The following SEC63 variants were observed in gnomAD, a reference collection of about 807,000 sequenced individuals.
SEC63 encodes the protein translocation protein SEC63 homolog.
SEC63 carries 56 observed loss-of-function variants against 116.2 expected under a neutral mutation model. That is an observed-to-expected ratio of 0.48 (90% CI 0.39 to 0.60). The LOEUF (loss-of-function observed/expected upper bound fraction) is 0.60, where lower values mean the gene tolerates loss of function less well. Among genes scored for constraint, SEC63 ranks in the 20% least tolerant of loss-of-function variants. The pLI, the probability that SEC63 is intolerant of heterozygous loss-of-function variation, is 0.00. For synonymous variants in SEC63, 273 were observed against 294.6 expected, an observed-to-expected ratio of 0.93 and a Z score of 0.75; for missense variants, 668 against 900.0, an observed-to-expected ratio of 0.74 and a Z score of 3.30.
At chr6:107,902,340 T>C (rs1246101567) in intron 12 of SEC63, among the ~76,000 whole-genome samples, 2 of 152,186 alleles carry the variant, frequency 1.3e-5, no homozygotes, top group Non-Finnish European at 1.5e-5. Context: ...TAAAATCTCC[T>C]ACTAGAATTG....
intron 16 of SEC63, among the ~76,000 whole-genome samples, chr6:107,886,887 A>G (rs1187590689): frequency 6.7e-6 from 1 of 149,036 alleles, no homozygotes; most frequent in African/African-American, 2.5e-5. Context: ...CTTTAGTTCA[A>G]TCAGATCCCA....
chr6:107,874,806 A>C (rs1273679623), intron 19 of SEC63, among the ~76,000 whole-genome samples: 1 of 151,874 alleles, frequency 6.6e-6, no homozygotes, highest in Non-Finnish European at 1.5e-5. Context: ...CTCCTGAGTT[A>C]GGCTGGGACT....
chr6:107,926,670 T>C (rs1413270093), intron 2 of SEC63, among the ~76,000 whole-genome samples: 1 of 152,094 alleles, frequency 6.6e-6, no homozygotes, highest in Admixed American at 6.5e-5. Context: ...CCTTTTGTTT[T>C]CCCAACTCAT....
In SEC63 at chr6:107,924,939, A is replaced by C; in HGVS notation, c.225-7T>G. ...TGCAAGCAGAACTATTTTCCTGTTTAGGAAAAAGGTAAGTGAATCATAAAC... is the reference window on the plus strand; with the variant it reads ...TGCAAGCAGAACTATTTTCCTGTTTCGGAAAAAGGTAAGTGAATCATAAAC... On this transcript the variant is annotated splice_region_variant and splice_polypyrimidine_tract_variant and intron_variant, in intron 2 of 20. Transcript: ENST00000369002. 6.8e-7 allele frequency: 1 copy of C among 1,477,800 alleles called. No individual in the cohort carries two copies. Among genetic ancestry groups the C allele is most frequent in the Non-Finnish European group, 9.5e-7 (1 of 1,056,250 alleles). 91.5% of individuals were successfully genotyped at this position (1,477,800 alleles called of 1,614,324 possible). A position where few individuals can be genotyped will look rare whatever the true frequency, so the allele number is the denominator to read the frequency against.
intron 19 of SEC63, among the ~76,000 whole-genome samples, chr6:107,875,982 A>G (rs1480981231): frequency 6.6e-6 from 1 of 152,180 alleles, no homozygotes; most frequent in African/African-American, 2.4e-5. Context: ...CTAAAAATCA[A>G]CATCATAGGG....
chr6:107,882,147 G>A (rs955937717), intron 17 of SEC63, among the ~76,000 whole-genome samples: 1 of 152,114 alleles, frequency 6.6e-6, no homozygotes, highest in Non-Finnish European at 1.5e-5. Context: ...CATTCCCAAG[G>A]ACAAGTGTGT....
chr6:107,904,433 ACC>A (rs1787092478), intron 11 of SEC63, among the ~76,000 whole-genome samples, 194 bp downstream of exon 11: 5 of 151,848 alleles, frequency 3.3e-5, no homozygotes, highest in Admixed American at 3.3e-4. Context: ...AACAAAAAAA[ACC>A]CAGTGAGCTG....
chr6:107,903,179 T>C (rs1007344232), intron 11 of SEC63, 181 bp from the exon 12 acceptor site: 1 of 663,948 alleles, frequency 1.5e-6, no homozygotes, highest in Middle Eastern at 2.4e-4. Flanking sequence ...CTCGATCTAA[T>C]GAACATTTTC....
At chr6:107,896,030 G>A (rs771772244) in intron 14 of SEC63, among the ~76,000 whole-genome samples, 1 of 151,658 alleles carries the variant, frequency 6.6e-6, no homozygotes, top group Non-Finnish European at 1.5e-5. Flanking sequence ...GCTGGACATG[G>A]TGGTGCACAC....
At chr6:107,885,814 T>C (rs183621525) in intron 16 of SEC63, among the ~76,000 whole-genome samples, 1 of 152,226 alleles carries the variant, frequency 6.6e-6, no homozygotes, top group Non-Finnish European at 1.5e-5. Flanking sequence ...AAATAATCAA[T>C]AGAATGAACT....
chr6:107,883,261 AC>A, intron 16 of SEC63, 115 bp from the exon 17 acceptor site: 2 of 1,272,960 alleles, frequency 1.6e-6, no homozygotes, highest in Non-Finnish European at 1.1e-6. Flanking sequence ...TGACAATTTC[AC>A]TATTCATATA....
intron 1 of SEC63, among the ~76,000 whole-genome samples, chr6:107,933,887 G>T (rs2114494699): frequency 6.6e-6 from 1 of 152,350 alleles, no homozygotes; most frequent in African/African-American, 2.4e-5. Context: ...CGCCTGACTG[G>T]TTTTCGTACT....
rs1014582254 is a variant in SEC63 at position 107,870,511 on chromosome 6, T to C, written c.*1193A>G. On this transcript the variant is annotated 3_prime_UTR_variant, in exon 21 of 21. Coordinates refer to ENST00000369002, the MANE Select transcript of SEC63 (RefSeq NM_007214.5). ...ATACTACAGACTTATGTTTCCTCCA[T>C]ATCTAGGAATAAAAATATCCACCCT... 6.6e-6 allele frequency: 1 copy of C among 152,508 alleles called. No individual in the cohort carries two copies. Among genetic ancestry groups the C allele is most frequent in the African/African-American group, 2.4e-5 (1 of 41,448 alleles). The allele number at this position is 152,508 out of a possible 1,614,324, so 9.4% of individuals were successfully genotyped here. A position where few individuals can be genotyped will look rare whatever the true frequency, so the allele number is the denominator to read the frequency against.
At chr6:107,909,086 G>T in intron 7 of SEC63, 51 bp from the exon 8 acceptor site, 1 of 1,282,676 alleles carries the variant, frequency 7.8e-7, no homozygotes, top group Non-Finnish European at 1.1e-6. Context: ...AACTACGATA[G>T]GCTGGGCGAG....
At position 107,870,342 on chromosome 6, in the gene SEC63, T is replaced by C. The variant is rs1379903972; in HGVS notation, c.*1362A>G. 2.6e-5 allele frequency: 4 copies of C among 152,632 alleles called. No homozygotes were observed. Among genetic ancestry groups the C allele is most frequent in the Non-Finnish European group, 4.4e-5 (3 of 68,030 alleles). 9.5% of individuals were successfully genotyped at this position (152,632 alleles called of 1,614,324 possible). A position where few individuals can be genotyped will look rare whatever the true frequency, so the allele number is the denominator to read the frequency against. ...CTAATTTTCACATTTTATTTCCAACTATTGCAGTAACAAGATGCCGGTAGT... is the reference window on the plus strand; with the variant it reads ...CTAATTTTCACATTTTATTTCCAACCATTGCAGTAACAAGATGCCGGTAGT... On this transcript the variant is annotated 3_prime_UTR_variant, in exon 21 of 21. Transcript: ENST00000369002.
chr6:107,929,599 T>C, intron 1 of SEC63, 85 bp from the exon 2 acceptor site: 2 of 768,662 alleles, frequency 2.6e-6, no homozygotes, highest in East Asian at 5.0e-5. Context: ...CTAACCTTCA[T>C]TACCACGCTA....
intron 1 of SEC63, among the ~76,000 whole-genome samples, chr6:107,940,148 A>T (rs1017307701): frequency 6.6e-6 from 1 of 152,114 alleles, no homozygotes; most frequent in Non-Finnish European, 1.5e-5. Context: ...TGGAGGAGGG[A>T]ACCTAGAAGG....
chr6:107,912,298 A>G (rs1787299527), intron 6 of SEC63, among the ~76,000 whole-genome samples: 1 of 152,248 alleles, frequency 6.6e-6, no homozygotes, highest in Non-Finnish European at 1.5e-5. Flanking sequence ...AATTAAAATT[A>G]GGCATAGTGC....
chr6:107,917,342 C>T (rs1011924556), intron 4 of SEC63, among the ~76,000 whole-genome samples: 12 of 152,040 alleles, frequency 7.9e-5, no homozygotes, highest in African/African-American at 2.9e-4. Flanking sequence ...GCTGTGAGAC[C>T]CCTAATTTCC....
Sources: gnomAD v4.1 joint callset for allele counts (sites outside exome capture counted in the v4.1 genomes callset) on GRCh38, gnomAD v4.1.1 for gene constraint, MANE v1.5 for transcripts, NCBI Gene and HGNC (gene_info 2026-07-23, HGNC 2026-07-21) for gene names.